TASOR2: variants seen among roughly 807,000 people sequenced by gnomAD.
The protein encoded by TASOR2 is transcription activation suppressor family member 2.
A neutral mutation model predicts 199.5 loss-of-function variants in TASOR2; 84 were observed. The ratio of observed to expected loss-of-function variants is 0.42; its 90% CI spans 0.35 to 0.50. The LOEUF is 0.50. TASOR2 is among the 20% of genes least tolerant of loss of function. The pLI is 0.02. For missense variants in TASOR2, 2,796 were observed against 2,835.9 expected, an observed-to-expected ratio of 0.99 and a Z score of 0.32; for synonymous variants, 1,103 against 1,046.6, an observed-to-expected ratio of 1.05 and a Z score of -1.04.
chr10:5,717,636 A>G, intron 2 of TASOR2, 23 bp from the exon 4 acceptor site: 2 of 1,053,962 alleles, frequency 1.9e-6, no homozygotes, highest in South Asian at 4.8e-5. Flanking sequence ...CTGCTGCTTA[A>G]TCTATATTTT....
chr10:5,697,740 C>T (rs1051478205), intron 1 of TASOR2, among the ~76,000 whole-genome samples: 3 of 152,008 alleles, frequency 2.0e-5, no homozygotes, highest in Non-Finnish European at 4.4e-5. Context: ...CCTAAAGAAA[C>T]ATGACAAGTG....
rs1270425164 is a variant in TASOR2 at position 5,722,540 on chromosome 10, C to T, written c.147-1137C>T. ...AAAAGGGCATCAGGTTTGCATCTTA[C>T]TCCCAAAAGGTTCAGAAAAAAATAA... is the stretch of plus-strand genomic sequence containing the variant. On this transcript the variant is annotated intron_variant, in intron 6 of 20. Coordinates refer to ENST00000328090, the Ensembl canonical transcript of TASOR2. The surrounding 1 kb of genome is among the most constrained non-coding windows in gnomAD (Gnocchi z 4.0). Among the ~76,000 whole-genome samples, 2 of 152,004 alleles carry T rather than the reference C, an allele frequency of 1.3e-5. No individual in the cohort carries two copies. Among genetic ancestry groups the T allele is most frequent in the African/African-American group, 4.8e-5 (2 of 41,378 alleles).
Position 5,740,100 on chromosome 10 carries a change from G to A in TASOR2, c.1930G>A (p.Ala644Thr), listed in dbSNP as rs751988729. 1 of 1,614,058 alleles carries A rather than the reference G, an allele frequency of 6.2e-7. No individual in the cohort carries two copies. The highest frequency in any genetic ancestry group is 1.1e-5 in the South Asian group (1 of 91,076). The change falls in exon 13 of 21, where the codon GCA becomes ACA. Residue 644 changes from alanine (A) to threonine (T), a missense_variant. Ala to Thr is a moderately conservative substitution (Grantham distance 58). Transcript: ENST00000328090. This position sits in a 1 kb window ranked among gnomAD's most constrained non-coding sequence, Gnocchi z 5.3. ...TGAGGAAATGCTAGAATCTTCAGATGCAAGCCAAAGCTCTTCTGTTTCTGT... is the reference window on the plus strand; with the variant it reads ...TGAGGAAATGCTAGAATCTTCAGATACAAGCCAAAGCTCTTCTGTTTCTGT...
chr10:5,691,678 G>A (rs1836441972), intron 1 of TASOR2, among the ~76,000 whole-genome samples: 1 of 152,146 alleles, frequency 6.6e-6, no homozygotes, highest in Admixed American at 6.5e-5. Flanking sequence ...TCTGGGCAAT[G>A]CATGTGGGTA....
chr10:5,717,401 C>T (rs1832794695), intron 2 of TASOR2, among the ~76,000 whole-genome samples: 1 of 152,056 alleles, frequency 6.6e-6, no homozygotes, highest in Non-Finnish European at 1.5e-5. Context: ...AAGCTTCTGA[C>T]CACAGAATTA....
At chr10:5,695,725 A>T (rs1018304499) in intron 1 of TASOR2, among the ~76,000 whole-genome samples, 1 of 152,226 alleles carries the variant, frequency 6.6e-6, no homozygotes, top group Non-Finnish European at 1.5e-5. Context: ...TATAGCTGAA[A>T]TCAGTATTTG....
In TASOR2 at chr10:5,720,994, T is replaced by C. The variant is rs775461040; in HGVS notation, c.146+24T>C. On this transcript the variant is annotated intron_variant, in intron 6 of 20. Transcript: ENST00000328090. This position sits in a 1 kb window ranked among gnomAD's most constrained non-coding sequence, Gnocchi z 5.3. ...CTGTAAGTATTAAATGTTATGTCCT[T>C]TACTAATGCTTATATTACAAGTTTT... The C allele has an allele frequency of 3.9e-6, 6 of 1,551,516 alleles. No individual in the cohort carries two copies. Among genetic ancestry groups the C allele is most frequent in the Non-Finnish European group, 5.3e-6 (6 of 1,138,744 alleles).
At position 5,685,186 on chromosome 10, in the gene TASOR2, C is replaced by T. The variant is rs1835662211; in HGVS notation, c.-288+11C>T. The T allele has an allele frequency of 2.5e-6, 1 of 397,960 alleles. No homozygotes were observed. The highest frequency in any genetic ancestry group is 4.4e-6 in the Non-Finnish European group (1 of 225,554). The allele number at this position is 397,960 out of a possible 1,614,324, so 24.7% of individuals were successfully genotyped here. A position where few individuals can be genotyped will look rare whatever the true frequency, so the allele number is the denominator to read the frequency against. The stretch of plus-strand genomic sequence containing the variant: ...CCACGCCAAGGACGGGTAAGTCCCT[C>T]CTCGGCCTGGGCGCCCGGGAACCCT... On this transcript the variant is annotated intron_variant, in intron 1 of 20. Coordinates refer to ENST00000328090, the Ensembl canonical transcript of TASOR2. This position sits in a 1 kb window ranked among gnomAD's most constrained non-coding sequence, Gnocchi z 5.4.
At chr10:5,743,831 CTTAG>C (rs1217893178) in intron 14 of TASOR2, 1 of 152,178 alleles carries the variant, frequency 6.6e-6, no homozygotes, top group Non-Finnish European at 1.5e-5. Context: ...TAACAATCTC[CTTAG>C]TATGTACTTA....
At chr10:5,732,654 C>T (rs1834989698) in intron 11 of TASOR2, among the ~76,000 whole-genome samples, 1 of 152,182 alleles carries the variant, frequency 6.6e-6, no homozygotes, top group Admixed American at 6.5e-5. Flanking sequence ...AACTCCTGGG[C>T]TCAAGTGATC....
chr10:5,748,823 T>C lies in TASOR2; in HGVS notation c.5402T>C (p.Leu1801Pro). 1 of 1,614,120 alleles carries C rather than the reference T, an allele frequency of 6.2e-7. No homozygotes were observed. The change falls in exon 15 of 21, where the codon CTC becomes CCC. Residue 1801 changes from leucine (L) to proline (P), a missense_variant. Around this residue, in one of 3 missense-constraint regions of TASOR2, gnomAD observed 1,941 missense variants for 1,924.9 expected, o/e 1.01. Transcript: ENST00000328090. This position sits in a 1 kb window ranked among gnomAD's most constrained non-coding sequence, Gnocchi z 5.1. ...GAAATTGAGAACAGTGGGGAGGGGC[T>C]CAGGGCTGAGGCTGGTTCTGAAACC... is the stretch of plus-strand genomic sequence containing the variant.
At chr10:5,721,796 A>T in intron 6 of TASOR2, among the ~76,000 whole-genome samples, 1 of 152,232 alleles carries the variant, frequency 6.6e-6, no homozygotes, top group East Asian at 1.9e-4. Flanking sequence ...TTGCTTATTA[A>T]TCACAAAGGA....
In TASOR2 at chr10:5,748,881, C is replaced by T. The variant is rs367767368; in HGVS notation, c.5460C>T (p.Ser1820=). 1.1e-5 allele frequency: 17 copies of T among 1,613,990 alleles called. No individual in the cohort carries two copies. In the African/African-American group the frequency reaches 1.5e-4, roughly 14 times the overall value. The change falls in exon 15 of 21, where the codon TCC becomes TCT. Residue 1820 remains serine (S), a synonymous_variant. Coordinates refer to ENST00000328090, the Ensembl canonical transcript of TASOR2. This position sits in a 1 kb window ranked among gnomAD's most constrained non-coding sequence, Gnocchi z 5.1. ...GAGATGGAGAGGTCGGTGTGAATTC[C>T]GACATGCACTATGAACTCTCTGGAG... is the stretch of plus-strand genomic sequence containing the variant.
In TASOR2 at chr10:5,749,261, A is replaced by G. The variant is rs1411771354; in HGVS notation, c.5840A>G (p.His1947Arg). The G allele has an allele frequency of 1.9e-6, 3 of 1,614,110 alleles. No individual in the cohort carries two copies. Among genetic ancestry groups the G allele is most frequent in the African/African-American group, 2.7e-5 (2 of 74,942 alleles). The stretch of plus-strand genomic sequence containing the variant: ...AGAACTTCACACGGCCTGAGGAGGC[A>G]CCCGAGTTTCAGTGCAAACTGTGGC... Residue 1947 changes from histidine to arginine, a missense_variant, in exon 15 of 21, where the codon CAC (histidine) becomes CGC (arginine). Physicochemically the swap from His to Arg is conservative, Grantham distance 29. Transcript: ENST00000328090.
chr10:5,700,822 G>C (rs1438045472), intron 1 of TASOR2, among the ~76,000 whole-genome samples: 1 of 151,058 alleles, frequency 6.6e-6, no homozygotes, highest in East Asian at 1.9e-4. Flanking sequence ...GTGTTTGCTT[G>C]CTTGCTTGCT....
At chr10:5,744,522 A>G (rs985368203) in intron 14 of TASOR2, among the ~76,000 whole-genome samples, 5 of 151,106 alleles carry the variant, frequency 3.3e-5, no homozygotes, top group Non-Finnish European at 5.9e-5. Context: ...AAGCTGGTCT[A>G]TAACTCCTAA....
At position 5,715,426 on chromosome 10, in the gene TASOR2, A is replaced by C. The variant is rs140158178; in HGVS notation, c.-191-2233A>C. Among the ~76,000 whole-genome samples, 334 of 152,034 alleles carry C rather than the reference A, an allele frequency of 2.2e-3. 3 individuals carry two copies. Among genetic ancestry groups the C allele is most frequent in the African/African-American group, 7.6e-3 (317 of 41,460 alleles). On this transcript the variant is annotated intron_variant, in intron 2 of 20. Transcript: ENST00000328090. The stretch of plus-strand genomic sequence containing the variant: ...CTCTGCTCTAGGCAACCACCAGTCT[A>C]TTTTCTGCCTTTATAGATTTGTCTA...
At position 5,709,531 on chromosome 10, in the gene TASOR2, A is replaced by G. The variant is rs1038040168; in HGVS notation, c.-287-3292A>G. Reference sequence around the variant, plus strand: ...ATTTTTTTTCTTTCTTCATTTTAGCATTTATGACATTAACAGAGAACAGGA... The same window carrying G: ...ATTTTTTTTCTTTCTTCATTTTAGCGTTTATGACATTAACAGAGAACAGGA... On this transcript the variant is annotated intron_variant, in intron 1 of 20. Transcript: ENST00000328090. 6.4e-5 allele frequency: 79 copies of G among 1,230,516 alleles called. No homozygotes were observed. The Admixed American group carries it at 1.3e-3, about 20-fold the overall frequency. The allele number at this position is 1,230,516 out of a possible 1,614,324, so 76.2% of individuals were successfully genotyped here.
In TASOR2 at chr10:5,737,373, C is replaced by T. The variant is rs1346262656; in HGVS notation, c.1447+1827C>T. On this transcript the variant is annotated intron_variant, in intron 12 of 20. Coordinates refer to ENST00000328090, the Ensembl canonical transcript of TASOR2. The surrounding 1 kb of genome is among the most constrained non-coding windows in gnomAD (Gnocchi z 4.9). ...ATGACTGAAGATTTTTTTAAAAGCT[C>T]ATCATGTCATTCAAAAACCCATATG... Among the ~76,000 whole-genome samples, 1 of 151,156 alleles carries T rather than the reference C, an allele frequency of 6.6e-6. No homozygotes were observed. Among genetic ancestry groups the T allele is most frequent in the Non-Finnish European group, 1.5e-5 (1 of 67,880 alleles).
Sources: gnomAD v4.1 joint callset for allele counts (sites outside exome capture counted in the v4.1 genomes callset) on GRCh38, gnomAD v4.1.1 for gene constraint, gnomAD v4.1.1 regional missense constraint, Gnocchi (gnomAD v3.1) non-coding constraint, MANE v1.5 for transcripts, NCBI Gene and HGNC (gene_info 2026-07-23, HGNC 2026-07-21) for gene names.